The following TWSG1 variants were observed in gnomAD, a reference collection of about 807,000 sequenced individuals.
TWSG1 encodes the protein twisted gastrulation protein homolog 1.
A neutral mutation model predicts 23.0 loss-of-function variants in TWSG1; 15 were observed. The ratio of observed to expected loss-of-function variants is 0.65; its 90% CI spans 0.44 to 1.00. The LOEUF is 1.00. TWSG1 is among the 50% of genes least tolerant of loss of function. The probability of loss-of-function intolerance (pLI) is 0.00; values close to 1 mark genes in which losing one functional copy is unlikely to be tolerated. For missense variants in TWSG1, 242 were observed against 278.7 expected (o/e 0.87, Z 0.94); for synonymous variants, 86 against 92.8 (o/e 0.93, Z 0.42).
At chr18:9,352,425 T>C (rs1568032510) in intron 2 of TWSG1, among the ~76,000 whole-genome samples, 2 of 152,318 alleles carry the variant, frequency 1.3e-5, no homozygotes, top group East Asian at 3.9e-4. Flanking sequence ...TATGTTTTAA[T>C]TTTTCTTGAG....
chr18:9,396,691 C>G, intron 4 of TWSG1, 145 bp downstream of exon 4: 1 of 1,012,968 alleles, frequency 9.9e-7, no homozygotes, highest in Non-Finnish European at 1.4e-6. Context: ...GACTCAATAA[C>G]CCTGATCCCA....
intron 3 of TWSG1, among the ~76,000 whole-genome samples, chr18:9,390,752 C>T (rs569858338): frequency 4.6e-5 from 7 of 152,292 alleles, no homozygotes; most frequent in Non-Finnish European, 1.0e-4. Context: ...TGGTTCATGT[C>T]TATAAACCCA....
chr18:9,362,114 C>T (rs1423170616), intron 3 of TWSG1, among the ~76,000 whole-genome samples: 3 of 152,164 alleles, frequency 2.0e-5, no homozygotes, highest in African/African-American at 7.2e-5. Context: ...TAACAGCTAG[C>T]TTTGAATTAT....
intron 3 of TWSG1, among the ~76,000 whole-genome samples, chr18:9,377,438 C>T (rs1189207515): frequency 6.7e-6 from 1 of 149,700 alleles, no homozygotes; most frequent in Admixed American, 6.7e-5. Flanking sequence ...AGGTTGGTCT[C>T]GAACTCCTGA....
At chr18:9,361,970 T>A (rs369622206) in intron 3 of TWSG1, among the ~76,000 whole-genome samples, 1 of 152,218 alleles carries the variant, frequency 6.6e-6, no homozygotes, top group African/African-American at 2.4e-5. Context: ...CAGGTACCTT[T>A]AGCTCTTAGG....
intron 3 of TWSG1, among the ~76,000 whole-genome samples, chr18:9,360,495 C>G (rs770249156): frequency 6.6e-6 from 1 of 152,120 alleles, no homozygotes; most frequent in African/African-American, 2.4e-5. Flanking sequence ...AGAAAACTTA[C>G]GTGTGTAGGA....
intron 3 of TWSG1, among the ~76,000 whole-genome samples, chr18:9,372,907 A>C (rs1240510594): frequency 6.6e-6 from 1 of 152,254 alleles, no homozygotes; most frequent in East Asian, 1.9e-4. Flanking sequence ...TAATCCAGTT[A>C]TATTAGTAAT....
intron 2 of TWSG1, among the ~76,000 whole-genome samples, chr18:9,342,587 A>G (rs2040450648): frequency 6.6e-6 from 1 of 152,180 alleles, no homozygotes; most frequent in Non-Finnish European, 1.5e-5. Context: ...ATCATCAATC[A>G]TTAGCACCTT....
chr18:9,363,217 T>G (rs9957701), intron 3 of TWSG1, among the ~76,000 whole-genome samples: 107,266 of 152,046 alleles, frequency 0.71, 37,959 homozygotes, highest in Middle Eastern at 0.76. Context: ...TTCTGATTTT[T>G]TCTTAAGGTA....
intron 3 of TWSG1, among the ~76,000 whole-genome samples, chr18:9,362,116 T>C (rs2040555216): frequency 6.6e-6 from 1 of 152,220 alleles, no homozygotes; most frequent in Admixed American, 6.5e-5. Context: ...ACAGCTAGCT[T>C]TGAATTATTT....
intron 2 of TWSG1, among the ~76,000 whole-genome samples, chr18:9,351,007 A>AT (rs1184220791): frequency 2.0e-5 from 3 of 152,138 alleles, no homozygotes; most frequent in South Asian, 4.1e-4. Context: ...ATAATGCTTC[A>AT]TTGATTACTT....
intron 3 of TWSG1, among the ~76,000 whole-genome samples, chr18:9,371,027 A>C (rs1348122975): frequency 6.8e-6 from 1 of 147,390 alleles, no homozygotes; most frequent in Non-Finnish European, 1.5e-5. Context: ...CCTTTATTCC[A>C]GATTAAACTT....
chr18:9,375,059 C>T (rs1164652431), intron 3 of TWSG1, among the ~76,000 whole-genome samples: 1 of 151,044 alleles, frequency 6.6e-6, no homozygotes. Flanking sequence ...CTCAGTTACT[C>T]AGGAGGCTGA....
At chr18:9,353,175 A>G (rs1045705923) in intron 2 of TWSG1, among the ~76,000 whole-genome samples, 1 of 152,178 alleles carries the variant, frequency 6.6e-6, no homozygotes, top group Non-Finnish European at 1.5e-5. Flanking sequence ...GTAGGTTTGT[A>G]TAAGTATATA....
intron 2 of TWSG1, among the ~76,000 whole-genome samples, chr18:9,356,522 C>CA: frequency 6.6e-6 from 1 of 152,232 alleles, no homozygotes; most frequent in East Asian, 1.9e-4. Context: ...GCATAATATA[C>CA]AGTAATTCAT....
chr18:9,348,499 T>C (rs939614552), intron 2 of TWSG1, among the ~76,000 whole-genome samples: 2 of 152,182 alleles, frequency 1.3e-5, no homozygotes, highest in Non-Finnish European at 2.9e-5. Context: ...GGGGAAAAGG[T>C]CCACAGCTGT....
intron 3 of TWSG1, among the ~76,000 whole-genome samples, chr18:9,387,376 G>A (rs118080273): frequency 6.6e-6 from 1 of 152,250 alleles, no homozygotes; most frequent in Non-Finnish European, 1.5e-5. Context: ...GGAGAGAATA[G>A]CATAATGAAC....
intron 3 of TWSG1, among the ~76,000 whole-genome samples, chr18:9,383,201 T>TTG (rs1555652472): frequency 3.4e-5 from 5 of 145,144 alleles, no homozygotes; most frequent in South Asian, 2.2e-4. Flanking sequence ...TTTGTTTTTT[T>TTG]TTTTTTTTTT....
chr18:9,341,349 C>T (rs73399928), intron 2 of TWSG1, among the ~76,000 whole-genome samples: 18,283 of 152,134 alleles, frequency 0.12, 1,296 homozygotes, highest in Middle Eastern at 0.27. Flanking sequence ...CAAATGTTCT[C>T]TTTTTTTCAT....
Sources: gnomAD v4.1 joint callset for allele counts (sites outside exome capture counted in the v4.1 genomes callset) on GRCh38, gnomAD v4.1.1 for gene constraint, MANE v1.5 for transcripts, NCBI Gene and HGNC (gene_info 2026-07-23, HGNC 2026-07-21) for gene names.